UQCC1: variants seen among roughly 807,000 people sequenced by gnomAD.
UQCC1 encodes ubiquinol-cytochrome c reductase complex assembly factor 1, also known as bFGF-repressed Zic-binding protein.
Under a neutral mutation model 48.0 loss-of-function variants are expected in UQCC1, and 38 were observed. The observed-to-expected ratio is 0.79, with a 90% CI of 0.61 to 1.04. The LOEUF (loss-of-function observed/expected upper bound fraction) is 1.04. Ranked by LOEUF, UQCC1 falls within the 50% of genes least tolerant of loss-of-function variation. The pLI, the probability that UQCC1 is intolerant of heterozygous loss-of-function variation, is 0.00. For missense variants in UQCC1, 368 were observed against 381.8 expected, an observed-to-expected ratio of 0.96 and a Z score of 0.30; for synonymous variants, 111 against 129.2, an observed-to-expected ratio of 0.86 and a Z score of 0.95.
intron 6 of UQCC1, among the ~76,000 whole-genome samples, chr20:35,365,618 C>G (rs1156356797): frequency 6.8e-6 from 1 of 146,680 alleles, no homozygotes; most frequent in Non-Finnish European, 1.5e-5. Flanking sequence ...AACTGCACCA[C>G]TGCACTTCAG....
At chr20:35,363,113 C>T (rs2061626532) in intron 6 of UQCC1, among the ~76,000 whole-genome samples, 1 of 150,336 alleles carries the variant, frequency 6.7e-6, no homozygotes, top group African/African-American at 2.4e-5. Flanking sequence ...TTTTACAGAA[C>T]TTCTGTATCA....
At chr20:35,366,706 GCTCT>G (rs920975943) in intron 5 of UQCC1, 92 bp from the exon 6 acceptor site, 6 of 1,106,308 alleles carry the variant, frequency 5.4e-6, no homozygotes, top group South Asian at 1.4e-5. Context: ...CACTTATGGT[GCTCT>G]CTGATTATGC....
chr20:35,329,718 G>A (rs779899911), intron 7 of UQCC1, among the ~76,000 whole-genome samples: 72 of 152,302 alleles, frequency 4.7e-4, no homozygotes, highest in Non-Finnish European at 7.9e-4. Flanking sequence ...AGATCCTGGC[G>A]GAGCTACTGC....
At chr20:35,372,465 G>T (rs1407691999) in intron 5 of UQCC1, among the ~76,000 whole-genome samples, 1 of 152,182 alleles carries the variant, frequency 6.6e-6, no homozygotes, top group Non-Finnish European at 1.5e-5. Context: ...AGAAAGGAAA[G>T]GTGAACACTA....
chr20:35,395,309 T>A (rs1455113892), intron 1 of UQCC1, among the ~76,000 whole-genome samples: 2 of 151,736 alleles, frequency 1.3e-5, no homozygotes, highest in African/African-American at 4.8e-5. Context: ...CCTCCAAGAG[T>A]CACCTTATTA....
chr20:35,395,980 CTTT>C (rs1000858624), intron 1 of UQCC1, among the ~76,000 whole-genome samples: 1 of 99,236 alleles, frequency 1.0e-5, no homozygotes. Flanking sequence ...TTTGCAATGT[CTTT>C]TTTTTTTTTT....
chr20:35,338,880 A>T lies in UQCC1; in HGVS notation c.573+8284T>A, dbSNP rs1388795759. ...AGAAAAAAAAAAAAAAAAAAAAAAA[A>T]AAAAAAAAAAAAATATATATATATA... On this transcript the variant is annotated intron_variant, in intron 7 of 9. Coordinates refer to ENST00000374385, the MANE Select transcript of UQCC1 (RefSeq NM_018244.5). 4.3e-3 allele frequency among the ~76,000 whole-genome samples: 261 copies of T among 60,364 alleles called. 7 individuals carry two copies. The highest frequency in any genetic ancestry group is 0.032 in the African/African-American group (142 of 4,476). The allele number at this position is 60,364 out of a possible 152,430, so 39.6% of individuals were successfully genotyped here.
At chr20:35,396,718 G>A (rs2062083884) in intron 1 of UQCC1, among the ~76,000 whole-genome samples, 1 of 152,132 alleles carries the variant, frequency 6.6e-6, no homozygotes. Context: ...AGGTCTCTTG[G>A]CCAAAGTGAG....
At chr20:35,410,724 A>AAAAAAAAAAAAAAAAAAAAAC (rs57687238) in intron 1 of UQCC1, among the ~76,000 whole-genome samples, 1 of 115,958 alleles carries the variant, frequency 8.6e-6, no homozygotes, top group Non-Finnish European at 1.7e-5. Context: ...AAAAAAAAAA[A>AAAAAAAAAAAAAAAAAAAAAC]CAAAACCCTA....
chr20:35,405,955 G>C (rs1394522187), intron 1 of UQCC1, among the ~76,000 whole-genome samples: 1 of 152,152 alleles, frequency 6.6e-6, no homozygotes, highest in African/African-American at 2.4e-5. Context: ...GGACTGAACA[G>C]CAGATTTGAA....
intron 7 of UQCC1, among the ~76,000 whole-genome samples, chr20:35,341,837 G>A (rs1241770571): frequency 6.6e-6 from 1 of 152,020 alleles, no homozygotes; most frequent in African/African-American, 2.4e-5. Flanking sequence ...TGGAGTGAAG[G>A]GTATGTGAAG....
chr20:35,369,132 G>C (rs115388945), intron 5 of UQCC1, among the ~76,000 whole-genome samples: 2 of 152,202 alleles, frequency 1.3e-5, no homozygotes, highest in Non-Finnish European at 2.9e-5. Context: ...TCTCAGAGAG[G>C]GAATCAGTTC....
Position 35,313,114 on chromosome 20 carries a change from C to T in UQCC1, c.651+1574G>A, listed in dbSNP as rs368372650. Among the ~76,000 whole-genome samples, 14 of 152,160 alleles carry T rather than the reference C, an allele frequency of 9.2e-5. No homozygotes were observed. In the East Asian group the frequency reaches 1.5e-3, roughly 17 times the overall value. On this transcript the variant is annotated intron_variant, in intron 8 of 9. Coordinates refer to ENST00000374385, the MANE Select transcript of UQCC1 (RefSeq NM_018244.5). ...AGATGAGGCCAGGCGTGGTGGCTCA[C>T]GCCTGTAATCCCAGCACTTTGGGAG...
At chr20:35,385,538 A>G (rs1405385072) in intron 2 of UQCC1, among the ~76,000 whole-genome samples, 1 of 152,092 alleles carries the variant, frequency 6.6e-6, no homozygotes, top group African/African-American at 2.4e-5. Context: ...GTCTGGCTCT[A>G]TGGCCCAGGC....
intron 1 of UQCC1, among the ~76,000 whole-genome samples, chr20:35,405,610 G>A (rs531623926): frequency 4.6e-5 from 7 of 152,312 alleles, no homozygotes; most frequent in South Asian, 2.1e-4. Flanking sequence ...GAAAGTGGCC[G>A]GGTGCGGTGG....
intron 1 of UQCC1, among the ~76,000 whole-genome samples, chr20:35,408,289 T>C (rs1170382857): frequency 1.3e-5 from 2 of 150,464 alleles, no homozygotes; most frequent in Admixed American, 1.3e-4. Context: ...ACTAGCTGGG[T>C]GTGTTGGCAC....
chr20:35,392,269 C>A (rs1381129179), intron 2 of UQCC1: 2 of 1,304,356 alleles, frequency 1.5e-6, no homozygotes, highest in East Asian at 1.1e-4. Context: ...AAGTTTCCAA[C>A]CAGGGGACCT....
chr20:35,308,261 C>A (rs1189202184), intron 8 of UQCC1, among the ~76,000 whole-genome samples: 4 of 152,254 alleles, frequency 2.6e-5, no homozygotes, highest in Non-Finnish European at 5.9e-5. Context: ...ACTGTCCTGG[C>A]ACAATGGCTG....
chr20:35,321,262 G>A (rs866813059), intron 7 of UQCC1, among the ~76,000 whole-genome samples: 1,947 of 127,216 alleles, frequency 0.015, 55 homozygotes, highest in African/African-American at 0.057. Flanking sequence ...CTGTGTGTGT[G>A]TGTGTGTGTG....
Sources: gnomAD v4.1 joint callset for allele counts (sites outside exome capture counted in the v4.1 genomes callset) on GRCh38, gnomAD v4.1.1 for gene constraint, MANE v1.5 for transcripts, NCBI Gene and HGNC (gene_info 2026-07-23, HGNC 2026-07-21) for gene names.